Variants in CUL3 observed in about 807,000 individuals in gnomAD.
CUL3 encodes the protein cullin 3, also known as cullin-3.
In CUL3, 19 loss-of-function variants were observed where a neutral mutation model predicts 89.1. The ratio of observed to expected loss-of-function variants is 0.21; its 90% CI spans 0.15 to 0.31. The LOEUF (loss-of-function observed/expected upper bound fraction) is 0.31. Among genes scored for constraint, CUL3 ranks in the 10% least tolerant of loss-of-function variants. CUL3 has a pLI of 1.00. For missense variants in CUL3, 469 were observed against 942.3 expected (o/e 0.50, Z 6.58); for synonymous variants, 351 against 308.4 (o/e 1.14, Z -1.45).
At chr2:224,524,557 GAACTAT>G (rs1022480622) in intron 3 of CUL3, among the ~76,000 whole-genome samples, 2 of 152,086 alleles carry the variant, frequency 1.3e-5, no homozygotes, top group African/African-American at 2.4e-5. Context: ...GACCCCAGAG[GAACTAT>G]GCTCTGTGAA....
At chr2:224,560,592 A>T in intron 1 of CUL3, 1 of 152,934 alleles carries the variant, frequency 6.5e-6, no homozygotes. Context: ...TACTACTCCA[A>T]CAGAAAATGC....
At chr2:224,541,613 C>T (rs1449878635) in intron 2 of CUL3, among the ~76,000 whole-genome samples, 1 of 152,158 alleles carries the variant, frequency 6.6e-6, no homozygotes, top group African/African-American at 2.4e-5. Flanking sequence ...AAATCACACA[C>T]AAATGTTCAT....
intron 1 of CUL3, among the ~76,000 whole-genome samples, chr2:224,574,854 T>C (rs1347504632): frequency 6.6e-6 from 1 of 152,226 alleles, no homozygotes; most frequent in African/African-American, 2.4e-5. Flanking sequence ...AGTCTGTTAG[T>C]TCCTTTATTC....
chr2:224,489,009 A>G (rs1426135091), intron 13 of CUL3, among the ~76,000 whole-genome samples: 1 of 152,200 alleles, frequency 6.6e-6, no homozygotes, highest in Non-Finnish European at 1.5e-5. Context: ...CAATGAAAAA[A>G]CCACATGATT....
chr2:224,536,590 T>G (rs1213202709), intron 2 of CUL3, among the ~76,000 whole-genome samples: 1 of 152,200 alleles, frequency 6.6e-6, no homozygotes, highest in African/African-American at 2.4e-5. Context: ...TTCATATCCC[T>G]GCCCTCCAAT....
chr2:224,566,010 T>C (rs1318586289), intron 1 of CUL3, among the ~76,000 whole-genome samples: 1 of 152,176 alleles, frequency 6.6e-6, no homozygotes, highest in African/African-American at 2.4e-5. Context: ...GCAATGACAA[T>C]CTTTTCCATA....
At chr2:224,564,859 CCTT>C (rs1233376715) in intron 1 of CUL3, among the ~76,000 whole-genome samples, 3 of 152,202 alleles carry the variant, frequency 2.0e-5, no homozygotes, top group African/African-American at 7.2e-5. Context: ...CCTGCCCAAA[CCTT>C]CTTCCTGTAA....
intron 3 of CUL3, among the ~76,000 whole-genome samples, chr2:224,517,355 AG>A (rs1693093789): frequency 6.6e-6 from 1 of 152,160 alleles, no homozygotes; most frequent in Non-Finnish European, 1.5e-5. Context: ...TTTGAAAATG[AG>A]TCCTGTGACT....
At chr2:224,486,084 C>T (rs1333788983) in intron 13 of CUL3, among the ~76,000 whole-genome samples, 1 of 152,170 alleles carries the variant, frequency 6.6e-6, no homozygotes, top group Non-Finnish European at 1.5e-5. Flanking sequence ...GAAAAGAATG[C>T]CCATGCAAAA....
intron 1 of CUL3, 49 bp from the exon 2 acceptor site, chr2:224,557,905 A>C (rs1694772597): frequency 9.6e-7 from 1 of 1,043,648 alleles, no homozygotes; most frequent in Non-Finnish European, 1.4e-6. Flanking sequence ...AAAAAAAAAA[A>C]CCAATGGTTG....
At chr2:224,497,890 T>G in intron 11 of CUL3, 41 bp from the exon 12 acceptor site, 1 of 1,459,380 alleles carries the variant, frequency 6.9e-7, no homozygotes, top group African/African-American at 1.4e-5. Flanking sequence ...TCAAACAAAC[T>G]TACACATTTG....
chr2:224,560,998 G>T (rs1342912743), intron 1 of CUL3, among the ~76,000 whole-genome samples: 4 of 152,132 alleles, frequency 2.6e-5, no homozygotes, highest in African/African-American at 9.7e-5. Flanking sequence ...TCTTCCCTCA[G>T]TTTCCTGCAT....
intron 11 of CUL3, among the ~76,000 whole-genome samples, chr2:224,498,844 T>C (rs1692268909): frequency 6.6e-6 from 1 of 152,232 alleles, no homozygotes; most frequent in Non-Finnish European, 1.5e-5. Flanking sequence ...ATCTAGTTTT[T>C]ATTTTTTTAA....
chr2:224,574,905 A>T (rs1024546125), intron 1 of CUL3, among the ~76,000 whole-genome samples: 2 of 152,136 alleles, frequency 1.3e-5, no homozygotes, highest in East Asian at 3.9e-4. Flanking sequence ...TGCTGTACTG[A>T]TCAAAGTCAT....
At chr2:224,483,064 G>A (rs1209744577) in intron 13 of CUL3, among the ~76,000 whole-genome samples, 1 of 152,136 alleles carries the variant, frequency 6.6e-6, no homozygotes, top group Non-Finnish European at 1.5e-5. Context: ...AGAGAAATGT[G>A]ATTTTCAGTG....
intron 1 of CUL3, among the ~76,000 whole-genome samples, chr2:224,575,991 T>C (rs1412574244): frequency 6.6e-6 from 1 of 152,144 alleles, no homozygotes; most frequent in African/African-American, 2.4e-5. Context: ...CTAGACATAA[T>C]ATCTGTGAGG....
chr2:224,503,347 G>A (rs902542766), intron 9 of CUL3, among the ~76,000 whole-genome samples: 5 of 152,048 alleles, frequency 3.3e-5, no homozygotes, highest in Admixed American at 3.3e-4. Context: ...AGTATTCTAT[G>A]GACCACACTT....
At position 224,585,156 on chromosome 2, in the gene CUL3, G is replaced by A; in HGVS notation, c.-147C>T. ...GGGCTGGGGAGCTGGCCGGCCCCTG[G>A]GCAGCCGCGGCGGCGGCGGGGGCGG... On this transcript the variant is annotated 5_prime_UTR_variant, in exon 1 of 16. Transcript: ENST00000264414. 2.6e-6 allele frequency: 1 copy of A among 387,182 alleles called. No homozygotes were observed. The allele number at this position is 387,182 out of a possible 1,614,324, so 24.0% of individuals were successfully genotyped here. A position where few individuals can be genotyped will look rare whatever the true frequency, so the allele number is the denominator to read the frequency against.
intron 6 of CUL3, among the ~76,000 whole-genome samples, chr2:224,509,676 A>T (rs755675472): frequency 1.3e-5 from 2 of 152,244 alleles, no homozygotes; most frequent in South Asian, 4.1e-4. Flanking sequence ...CACCTTTTAC[A>T]TACATCTCCA....
Sources: gnomAD v4.1 joint callset for allele counts (sites outside exome capture counted in the v4.1 genomes callset) on GRCh38, gnomAD v4.1.1 for gene constraint, MANE v1.5 for transcripts, NCBI Gene and HGNC (gene_info 2026-07-23, HGNC 2026-07-21) for gene names.